KANSL1: variants seen among roughly 807,000 people sequenced by gnomAD.
KANSL1 encodes the protein MLL1/MLL complex subunit KANSL1.
Under a neutral mutation model 103.6 loss-of-function variants are expected in KANSL1, and 22 were observed. The observed-to-expected ratio is 0.21, with a 90% CI of 0.15 to 0.30. The LOEUF (loss-of-function observed/expected upper bound fraction) is 0.30, where lower values mean the gene tolerates loss of function less well. Ranked by LOEUF, KANSL1 falls within the 10% of genes least tolerant of loss-of-function variation. KANSL1 has a pLI of 1.00. For missense variants in KANSL1, 1,337 were observed against 1,399.8 expected (o/e 0.96, Z 0.72); for synonymous variants, 600 against 527.6 (o/e 1.14, Z -1.88).
At chr17:46,191,418 G>C (rs1041268744) in intron 1 of KANSL1, among the ~76,000 whole-genome samples, 1 of 152,204 alleles carries the variant, frequency 6.6e-6, no homozygotes, top group African/African-American at 2.4e-5. Flanking sequence ...ATAGGAAAGG[G>C]GAAAGGGAAA....
chr17:46,132,103 G>C (rs1185441844), intron 2 of KANSL1, among the ~76,000 whole-genome samples: 1 of 151,946 alleles, frequency 6.6e-6, no homozygotes, highest in East Asian at 1.9e-4. Context: ...CTCCTGCCTG[G>C]GCCAAAACAG....
chr17:46,113,930 AG>A (rs2042931531), intron 2 of KANSL1, among the ~76,000 whole-genome samples: 1 of 152,264 alleles, frequency 6.6e-6, no homozygotes, highest in African/African-American at 2.4e-5. Flanking sequence ...AAGAAACATT[AG>A]AGATTATCTA....
intron 4 of KANSL1, among the ~76,000 whole-genome samples, chr17:46,080,881 A>G (rs1406761723): frequency 6.6e-6 from 1 of 152,148 alleles, no homozygotes; most frequent in Non-Finnish European, 1.5e-5. Context: ...ACTCAATCCA[A>G]AAAGCATTCT....
chr17:46,192,401 C>CA (rs1263782009), intron 1 of KANSL1: 1 of 152,328 alleles, frequency 6.6e-6, no homozygotes. Flanking sequence ...ATGAAACAAT[C>CA]AGAGTTGTGA....
intron 2 of KANSL1, among the ~76,000 whole-genome samples, chr17:46,130,661 G>A (rs1307659076): frequency 6.6e-6 from 1 of 152,212 alleles, no homozygotes; most frequent in African/African-American, 2.4e-5. Context: ...TAGAGAGTCA[G>A]TTCAAGACGG....
At position 46,189,031 on chromosome 17, in the gene KANSL1, C is replaced by CAAAAAAAA. The variant is rs57566816; in HGVS notation, c.-90+3784_-90+3791dup. The stretch of plus-strand genomic sequence containing the variant: ...CTGGGCAACAGAGCAAAGATTGTCT[C>CAAAAAAAA]AAAAAAAAAAAAAAAAAAAAAAAAA... On this transcript the variant is annotated intron_variant, in intron 1 of 14. Coordinates refer to ENST00000432791, the MANE Select transcript of KANSL1 (RefSeq NM_015443.4). Among the ~76,000 whole-genome samples the CAAAAAAAA allele has an allele frequency of 1.6e-3, 97 of 62,372 alleles. 12 individuals are homozygous for CAAAAAAAA. Among genetic ancestry groups the CAAAAAAAA allele is most frequent in the African/African-American group, 2.4e-3 (24 of 10,118 alleles). The allele number at this position is 62,372 out of a possible 152,430, so 40.9% of individuals were successfully genotyped here. A position where few individuals can be genotyped will look rare whatever the true frequency, so the allele number is the denominator to read the frequency against.
chr17:46,119,545 G>A (rs543015285), intron 2 of KANSL1, among the ~76,000 whole-genome samples: 22 of 151,978 alleles, frequency 1.4e-4, no homozygotes, highest in African/African-American at 5.3e-4. Flanking sequence ...GACCTCAAGA[G>A]AGCTGCCCAC....
chr17:46,172,344 A>C (rs1013958937), intron 1 of KANSL1, 112 bp from the exon 2 acceptor site: 3 of 615,130 alleles, frequency 4.9e-6, no homozygotes, highest in African/African-American at 3.8e-5. Context: ...CCAGAAAGAA[A>C]ACACTCTGGA....
At chr17:46,158,701 C>T (rs888815328) in intron 2 of KANSL1, among the ~76,000 whole-genome samples, 1 of 152,132 alleles carries the variant, frequency 6.6e-6, no homozygotes, top group Non-Finnish European at 1.5e-5. Flanking sequence ...CCACCACACC[C>T]GGTTCATTTT....
chr17:46,140,356 C>G (rs180967349), intron 2 of KANSL1, among the ~76,000 whole-genome samples: 9 of 152,150 alleles, frequency 5.9e-5, no homozygotes, highest in Non-Finnish European at 1.2e-4. Flanking sequence ...TATCCACAGG[C>G]AAAATAAAAT....
intron 1 of KANSL1, among the ~76,000 whole-genome samples, chr17:46,215,803 G>A (rs868640834): frequency 6.6e-6 from 1 of 152,244 alleles, no homozygotes; most frequent in African/African-American, 2.4e-5. Context: ...CACTTTGGGA[G>A]GCTGAGGCAG....
chr17:46,076,698 T>TCA (rs1195158904), intron 4 of KANSL1, among the ~76,000 whole-genome samples: 1 of 152,042 alleles, frequency 6.6e-6, no homozygotes, highest in African/African-American at 2.4e-5. Flanking sequence ...ACATCTCCGT[T>TCA]CACTTATGTA....
intron 7 of KANSL1, among the ~76,000 whole-genome samples, chr17:46,049,240 C>CTTTTTTTTTTTTTTTTTTT (rs34418861): frequency 2.6e-5 from 2 of 75,794 alleles, no homozygotes; most frequent in Admixed American, 1.9e-4. Context: ...CATCCAAGAC[C>CTTTTTTTTTTTTTTTTTTT]TTTTTTTTTT....
intron 4 of KANSL1, among the ~76,000 whole-genome samples, chr17:46,075,692 T>C (rs886976484): frequency 7.2e-5 from 11 of 152,156 alleles, no homozygotes; most frequent in Non-Finnish European, 1.5e-4. Context: ...ACAAACTTCA[T>C]TCATACATAA....
rs1039930520 is a variant in KANSL1 at position 46,039,438 on chromosome 17, C to T, written c.2204-223G>A. 1.2e-5 allele frequency: 7 copies of T among 599,920 alleles called. No homozygotes were observed. In the East Asian group the frequency reaches 1.7e-4, roughly 15 times the overall value. 37.2% of individuals were successfully genotyped at this position (599,920 alleles called of 1,614,324 possible). A position where few individuals can be genotyped will look rare whatever the true frequency, so the allele number is the denominator to read the frequency against. On this transcript the variant is annotated intron_variant, in intron 8 of 14. Coordinates refer to ENST00000432791, the MANE Select transcript of KANSL1 (RefSeq NM_015443.4). ...CACCAGGATACAGAAGACACCTGCC[C>T]GTAGATGAACTCAATGCCATGCCAT... is the stretch of plus-strand genomic sequence containing the variant.
In KANSL1 at chr17:46,031,446, A is replaced by T; in HGVS notation, c.*30T>A. On this transcript the variant is annotated 3_prime_UTR_variant, in exon 15 of 15. Transcript: ENST00000432791. ...TTCTGAAGCTTTAATGCCAATAGTT[A>T]GTGAGTCTGTTTAGATGGCTGTCTC... 6.5e-7 allele frequency: 1 copy of T among 1,547,818 alleles called. No individual in the cohort carries two copies. Among genetic ancestry groups the T allele is most frequent in the African/African-American group, 1.3e-5 (1 of 74,076 alleles).
At chr17:46,038,756 G>A (rs2077225531) in intron 9 of KANSL1, 70 bp from the exon 10 acceptor site, 1 of 1,586,974 alleles carries the variant, frequency 6.3e-7, no homozygotes, top group African/African-American at 1.3e-5. Context: ...ACACAAGCTT[G>A]GAATGGCAGC....
intron 2 of KANSL1, among the ~76,000 whole-genome samples, chr17:46,162,218 T>C (rs149709627): frequency 2.9e-4 from 44 of 152,328 alleles, no homozygotes; most frequent in African/African-American, 9.4e-4. Context: ...CTGGTAAACA[T>C]GAAAGGGCAT....
intron 2 of KANSL1, among the ~76,000 whole-genome samples, chr17:46,152,344 C>A (rs1307356192): frequency 7.1e-5 from 8 of 112,510 alleles, no homozygotes; most frequent in Non-Finnish European, 1.7e-4. Context: ...GTATTTCAGA[C>A]AAACATTCAC....
Sources: gnomAD v4.1 joint callset for allele counts (sites outside exome capture counted in the v4.1 genomes callset) on GRCh38, gnomAD v4.1.1 for gene constraint, MANE v1.5 for transcripts, NCBI Gene and HGNC (gene_info 2026-07-23, HGNC 2026-07-21) for gene names.